The following SUPT7L variants were observed in gnomAD, a reference collection of about 807,000 sequenced individuals.
SUPT7L encodes SPT7 like, STAGA complex subunit gamma.
Under a neutral mutation model 35.7 loss-of-function variants are expected in SUPT7L, and 15 were observed. That is an observed-to-expected ratio of 0.42 (90% confidence interval 0.28 to 0.65). The LOEUF (loss-of-function observed/expected upper bound fraction) is 0.65. SUPT7L is among the 30% of genes least tolerant of loss of function. The pLI is 0.23. For missense variants in SUPT7L, 434 were observed against 522.2 expected (o/e 0.83, Z 1.65); for synonymous variants, 168 against 186.2 (o/e 0.90, Z 0.79).
At chr2:27,650,660 A>T (rs1674485454), downstream of SUPT7L, 1 of 154,360 alleles carries the variant, frequency 6.5e-6, no homozygotes, top group South Asian at 2.0e-4. Context: ...AGGAAAAGGG[A>T]AACATGAGCT....
In SUPT7L at chr2:27,661,051, A is replaced by G. The variant is rs1212666747; in HGVS notation, c.352T>C (p.Leu118=). 6.2e-7 allele frequency: 1 copy of G among 1,614,148 alleles called. No homozygotes were observed. ...GGTGCATTGGGATTCTTACAATCTA[A>G]AGGCAGGAGGTCATCAGGGAGAGGA... ...SPPLPDDLLP[L]DCKNPNAPFQ... The change falls in exon 3 of 6, where the codon TTA becomes CTA. Residue 118 remains leucine (L), a synonymous_variant. Coordinates refer to ENST00000337768, the MANE Select transcript of SUPT7L (RefSeq NM_014860.3).
downstream of SUPT7L, among the ~76,000 whole-genome samples, chr2:27,647,427 T>TA (rs1449993966): frequency 6.6e-6 from 1 of 152,222 alleles, no homozygotes; most frequent in African/African-American, 2.4e-5. Flanking sequence ...TCTCTGAACT[T>TA]ACATTTCCAC....
chr2:27,659,242 T>C (rs1674943041), intron 3 of SUPT7L, among the ~76,000 whole-genome samples: 1 of 152,228 alleles, frequency 6.6e-6, no homozygotes, highest in Admixed American at 6.5e-5. Flanking sequence ...CTTGATATAA[T>C]CTGGCCTTCA....
At chr2:27,654,159 T>C (rs750124612) in intron 5 of SUPT7L, among the ~76,000 whole-genome samples, 5 of 152,154 alleles carry the variant, frequency 3.3e-5, no homozygotes, top group Non-Finnish European at 7.3e-5. Context: ...TTTGTTTGGG[T>C]CTCTGGTCAT....
At chr2:27,649,033 C>T (rs1444611559), downstream of SUPT7L, among the ~76,000 whole-genome samples, 3 of 151,680 alleles carry the variant, frequency 2.0e-5, no homozygotes, top group African/African-American at 4.8e-5. Context: ...CACCTGAGGC[C>T]AGGAGTTCAA....
chr2:27,657,810 T>G lies in SUPT7L; in HGVS notation c.420-141A>C, dbSNP rs1428413526. 2.6e-6 allele frequency: 2 copies of G among 775,272 alleles called. No individual in the cohort carries two copies. The highest frequency in any genetic ancestry group is 4.1e-6 in the Non-Finnish European group (2 of 493,470). 48.0% of individuals were successfully genotyped at this position (775,272 alleles called of 1,614,324 possible). Reference sequence around the variant, plus strand: ...TTCCATCCAAGTTACATAGCTCAGTTTCATCCTGCTGCTATCTGGGCATGT... The same window carrying G: ...TTCCATCCAAGTTACATAGCTCAGTGTCATCCTGCTGCTATCTGGGCATGT... On this transcript the variant is annotated intron_variant, in intron 3 of 5. Transcript: ENST00000337768. The surrounding 1 kb of genome is among the most constrained non-coding windows in gnomAD (Gnocchi z 5.2).
At chr2:27,662,024 C>T in intron 2 of SUPT7L, 155 bp downstream of exon 2, 1 of 986,634 alleles carries the variant, frequency 1.0e-6, no homozygotes, top group South Asian at 1.6e-5. Context: ...GTATCCCTTC[C>T]TCCAATCTCT....
At chr2:27,644,381 T>TATCA in the SUPT7L span, among the ~76,000 whole-genome samples, 3 of 152,184 alleles carry the variant, frequency 2.0e-5, no homozygotes, top group African/African-American at 7.2e-5. Context: ...ATTTTCTCCC[T>TATCA]ATCAGTTATC....
the SUPT7L span, among the ~76,000 whole-genome samples, chr2:27,645,793 G>GA: frequency 7.9e-5 from 12 of 151,912 alleles, no homozygotes; most frequent in Non-Finnish European, 1.5e-4. Context: ...GCAGTGGTGT[G>GA]ATCTTGGCTC....
chr2:27,647,978 G>T, downstream of SUPT7L: 1 of 1,153,066 alleles, frequency 8.7e-7, no homozygotes, highest in Non-Finnish European at 1.3e-6. Context: ...TGGCAACAGA[G>T]CATCTGCTTA....
At chr2:27,655,301 A>G in intron 5 of SUPT7L, 64 bp downstream of exon 5, 1 of 1,461,090 alleles carries the variant, frequency 6.8e-7, no homozygotes, top group Non-Finnish European at 9.2e-7. Context: ...TGATTCCAAA[A>G]AGCAAAAAGT....
intron 3 of SUPT7L, among the ~76,000 whole-genome samples, chr2:27,658,011 C>T (rs2148116834): frequency 6.6e-6 from 1 of 152,334 alleles, no homozygotes; most frequent in African/African-American, 2.4e-5. Context: ...CCAGACACTG[C>T]TCAATGATGC....
downstream of SUPT7L, among the ~76,000 whole-genome samples, chr2:27,648,132 GCCTTT>G (rs943885520): frequency 6.6e-6 from 1 of 152,230 alleles, no homozygotes; most frequent in Non-Finnish European, 1.5e-5. Flanking sequence ...CTGATTACAG[GCCTTT>G]CGTTGGTCTT....
downstream of SUPT7L, chr2:27,650,098 C>T: frequency 3.5e-6 from 5 of 1,436,428 alleles, no homozygotes; most frequent in Non-Finnish European, 4.9e-6. Flanking sequence ...AAAAGAATTG[C>T]CCTTTTTTCC....
At position 27,657,693 on chromosome 2, in the gene SUPT7L, T is replaced by G. The variant is rs200068527; in HGVS notation, c.420-24A>C. 6.6e-4 allele frequency: 1,042 copies of G among 1,590,504 alleles called. 1 individual carries two copies. The Admixed American group carries it at 7.2e-3, about 11-fold the overall frequency. ...CACTGAAAGTGGAGATACGGTGGTG[T>G]TATTAATGTTCTTGCAAAGGGGTGA... On this transcript the variant is annotated intron_variant, in intron 3 of 5. Transcript: ENST00000337768. This position sits in a 1 kb window ranked among gnomAD's most constrained non-coding sequence, Gnocchi z 5.2.
chr2:27,657,602 C>A lies in SUPT7L; in HGVS notation c.487G>T (p.Ala163Ser), dbSNP rs1256635606. ...SCRQLLYQAVATILAHAGFDC... is the reference protein window; with the variant it reads ...SCRQLLYQAVSTILAHAGFDC... ...AAGCCCGCGTGGGCCAGGATTGTGG[C>A]CACTGCCTGGTAGAGGAGCTGCCGA... The change falls in exon 4 of 6, where the codon GCC becomes TCC. Residue 163 changes from alanine to serine, a missense_variant. Ala to Ser is a moderately conservative substitution (Grantham distance 99, BLOSUM62 1). This residue lies in a region of SUPT7L where 198 missense variants were observed against 190.8 expected (regional missense o/e 1.04). Coordinates refer to ENST00000337768, the MANE Select transcript of SUPT7L (RefSeq NM_014860.3). The surrounding 1 kb of genome is among the most constrained non-coding windows in gnomAD (Gnocchi z 5.2). 20 of 1,614,106 alleles carry A rather than the reference C, an allele frequency of 1.2e-5. No homozygotes were observed. The highest frequency in any genetic ancestry group is 1.6e-5 in the Non-Finnish European group (19 of 1,180,042).
chr2:27,655,168 C>G (rs1418216725), intron 5 of SUPT7L, among the ~76,000 whole-genome samples, 197 bp downstream of exon 5: 1 of 152,214 alleles, frequency 6.6e-6, no homozygotes, highest in Non-Finnish European at 1.5e-5. Flanking sequence ...TAAAGCTGTG[C>G]TAATCCTCTC....
chr2:27,655,546 T>C lies in SUPT7L; in HGVS notation c.801A>G (p.Thr267=). 6.2e-7 allele frequency: 1 copy of C among 1,613,572 alleles called. No homozygotes were observed. Among genetic ancestry groups the C allele is most frequent in the Non-Finnish European group, 8.5e-7 (1 of 1,179,808 alleles). Residue 267 remains threonine (T), a synonymous_variant, in exon 5 of 6, where the codon ACA becomes ACG. Transcript: ENST00000337768. The part of the protein sequence containing the change: ...YERIVNPEKA[T]EDAKPVKIKE... ...TGATCTTCACAGGTTTAGCGTCCTC[T>C]GTGGCCTTCTCAGGATTGACAATCC...
At chr2:27,649,613 T>C (rs562741773), downstream of SUPT7L, among the ~76,000 whole-genome samples, 1 of 152,294 alleles carries the variant, frequency 6.6e-6, no homozygotes, top group African/African-American at 2.4e-5. Flanking sequence ...CAGAATGCCA[T>C]AGAAATAGAA....
Sources: allele counts gnomAD v4.1 joint callset (sites outside exome capture counted in the v4.1 genomes callset), GRCh38; gene constraint gnomAD v4.1.1; regional missense constraint gnomAD v4.1.1; non-coding constraint Gnocchi (gnomAD v3.1); transcripts MANE v1.5; gene names NCBI Gene and HGNC (gene_info 2026-07-23, HGNC 2026-07-21).